Variants in RBFOX3 observed in about 807,000 individuals in gnomAD.
The protein encoded by RBFOX3 is RNA binding fox-1 homolog 3, also known as RNA binding protein fox-1 homolog 3.
Under a neutral mutation model 48.7 loss-of-function variants are expected in RBFOX3, and 17 were observed. That is an observed-to-expected ratio of 0.35 (90% CI 0.24 to 0.52). RBFOX3 has a LOEUF of 0.52. Among genes scored for constraint, RBFOX3 ranks in the 20% least tolerant of loss-of-function variants. The probability of loss-of-function intolerance (pLI) is 0.94; values close to 1 mark genes in which losing one functional copy is unlikely to be tolerated. For missense variants in RBFOX3, 382 were observed against 497.5 expected, an observed-to-expected ratio of 0.77 and a Z score of 2.21; for synonymous variants, 212 against 209.5, an observed-to-expected ratio of 1.01 and a Z score of -0.10.
intron 2 of RBFOX3, among the ~76,000 whole-genome samples, chr17:79,424,460 C>T (rs117463940): frequency 0.022 from 3,393 of 152,282 alleles, 45 homozygotes; most frequent in Non-Finnish European, 0.032. Flanking sequence ...CGCAACTGAG[C>T]TCTCGACTCT....
upstream of RBFOX3, among the ~76,000 whole-genome samples, chr17:79,614,904 A>G (rs1055395979): frequency 2.0e-5 from 3 of 151,556 alleles, no homozygotes; most frequent in Non-Finnish European, 2.9e-5. Flanking sequence ...TCTAACCCCG[A>G]CCCCCATAGG....
the RBFOX3 span, among the ~76,000 whole-genome samples, chr17:79,656,648 A>G: frequency 3.6e-4 from 53 of 145,274 alleles, no homozygotes; most frequent in African/African-American, 1.4e-3. Flanking sequence ...GGAAGAGAAG[A>G]AAGAAAGGAA....
chr17:79,168,570 C>A (rs1476332879), intron 4 of RBFOX3, among the ~76,000 whole-genome samples: 6 of 152,192 alleles, frequency 3.9e-5, no homozygotes, highest in Admixed American at 2.0e-4. Flanking sequence ...CCCACTGGTC[C>A]ATGAGGAAAC....
chr17:79,632,067 G>A, the RBFOX3 span, among the ~76,000 whole-genome samples: 2,718 of 152,296 alleles, frequency 0.018, 72 homozygotes, highest in African/African-American at 0.052. Flanking sequence ...CGAGCCCTCC[G>A]CGCTGCAGGA....
chr17:79,293,597 C>T (rs955168186), intron 3 of RBFOX3, among the ~76,000 whole-genome samples: 1 of 151,998 alleles, frequency 6.6e-6, no homozygotes, highest in African/African-American at 2.4e-5. Flanking sequence ...GGATTACAGA[C>T]TTGCACCACC....
chr17:79,333,687 C>T (rs2080756083), intron 2 of RBFOX3, among the ~76,000 whole-genome samples: 1 of 152,152 alleles, frequency 6.6e-6, no homozygotes, highest in Non-Finnish European at 1.5e-5. Flanking sequence ...TGATGGCAAA[C>T]AGCTTCTTCC....
rs1301298854 is a variant in RBFOX3 at position 79,391,545 on chromosome 17, C to T, written c.-174-83721G>A. Among the ~76,000 whole-genome samples, 1 of 152,198 alleles carries T rather than the reference C, an allele frequency of 6.6e-6. No individual in the cohort carries two copies. The highest frequency in any genetic ancestry group is 1.9e-4 in the East Asian group (1 of 5,182). On this transcript the variant is annotated intron_variant, in intron 2 of 14. Coordinates refer to ENST00000693108, the MANE Select transcript of RBFOX3 (RefSeq NM_001350451.2). This position sits in a 1 kb window ranked among gnomAD's most constrained non-coding sequence, Gnocchi z 5.0. ...GCAAATGCCACCGATTTTAATCTCA[C>T]CCGAAACCAACCTCACAGGTGCTGA... is the stretch of plus-strand genomic sequence containing the variant.
chr17:79,564,322 G>A (rs962815797), intron 1 of RBFOX3, among the ~76,000 whole-genome samples: 9 of 152,162 alleles, frequency 5.9e-5, no homozygotes, highest in East Asian at 1.9e-4. Context: ...GGCATTAATC[G>A]TGCTGGGAAG....
intron 2 of RBFOX3, among the ~76,000 whole-genome samples, chr17:79,476,897 A>G (rs2077856307): frequency 6.6e-6 from 1 of 152,014 alleles, no homozygotes; most frequent in African/African-American, 2.4e-5. Context: ...GGAGAGAAAA[A>G]AGAAGAAAGA....
At position 79,476,929 on chromosome 17, in the gene RBFOX3, G is replaced by A. The variant is rs934505822; in HGVS notation, c.-175+5525C>T. 9.2e-5 allele frequency among the ~76,000 whole-genome samples: 14 copies of A among 151,918 alleles called. No homozygotes were observed. The South Asian group carries it at 2.5e-3, about 27-fold the overall frequency. ...AAGAGGAGAAAGAGGAAAAGGAGACGGAAGAGGAAGAAGAAGAAAAGGAGG... is the reference window on the plus strand; with the variant it reads ...AAGAGGAGAAAGAGGAAAAGGAGACAGAAGAGGAAGAAGAAGAAAAGGAGG... On this transcript the variant is annotated intron_variant, in intron 2 of 14. Coordinates refer to ENST00000693108, the MANE Select transcript of RBFOX3 (RefSeq NM_001350451.2).
intron 1 of RBFOX3, among the ~76,000 whole-genome samples, chr17:79,594,132 A>C (rs2145168070): frequency 6.6e-6 from 1 of 152,258 alleles, no homozygotes; most frequent in East Asian, 1.9e-4. Flanking sequence ...ACTCTGTGCC[A>C]GGGAGTGGAG....
chr17:79,441,654 T>C (rs1728661961), intron 2 of RBFOX3, among the ~76,000 whole-genome samples: 1 of 150,476 alleles, frequency 6.6e-6, no homozygotes, highest in Non-Finnish European at 1.5e-5. Context: ...TGGCAGAGAG[T>C]CCATTTCTGT....
chr17:79,158,051 G>A (rs1399938603), intron 4 of RBFOX3, among the ~76,000 whole-genome samples: 1 of 152,170 alleles, frequency 6.6e-6, no homozygotes, highest in African/African-American at 2.4e-5. Context: ...ACATTACACT[G>A]GGGTCATTAG....
chr17:79,107,005 C>T (rs1010288606), intron 5 of RBFOX3, among the ~76,000 whole-genome samples: 1 of 152,214 alleles, frequency 6.6e-6, no homozygotes, highest in African/African-American at 2.4e-5. Context: ...ACCTCTAGGC[C>T]TTCGCCCAAA....
At chr17:79,370,442 C>G (rs562324340) in intron 2 of RBFOX3, among the ~76,000 whole-genome samples, 4 of 152,052 alleles carry the variant, frequency 2.6e-5, no homozygotes, top group Non-Finnish European at 5.9e-5. Context: ...ATGCACACAC[C>G]CTGATGTGCA....
rs1376618042 is a variant in RBFOX3, at chr17:79,204,805, G to T, written c.-34+30961C>A. 6.6e-6 allele frequency among the ~76,000 whole-genome samples: 1 copy of T among 152,172 alleles called. No individual in the cohort carries two copies. The highest frequency in any genetic ancestry group is 1.5e-5 in the Non-Finnish European group (1 of 68,034). ...CTAGAATAGCAGGGGCCAGATAGTT[G>T]CATTTAACCATCAGAGGCAAGTTGG... On this transcript the variant is annotated intron_variant, in intron 4 of 14. Coordinates refer to ENST00000693108, the MANE Select transcript of RBFOX3 (RefSeq NM_001350451.2). The surrounding 1 kb of genome is among the most constrained non-coding windows in gnomAD (Gnocchi z 4.5).
chr17:79,248,326 G>A (rs542226404), intron 3 of RBFOX3, among the ~76,000 whole-genome samples: 4 of 151,996 alleles, frequency 2.6e-5, no homozygotes, highest in South Asian at 2.1e-4. Context: ...CTCCACTCCC[G>A]GGTTCACGCC....
At chr17:79,588,280 T>C (rs1409901142) in intron 1 of RBFOX3, among the ~76,000 whole-genome samples, 4 of 152,150 alleles carry the variant, frequency 2.6e-5, no homozygotes, top group Admixed American at 6.5e-5. Flanking sequence ...AGACTGGGCA[T>C]TTTCTCATGT....
intron 4 of RBFOX3, among the ~76,000 whole-genome samples, chr17:79,170,132 A>AG (rs1472451505): frequency 7.1e-6 from 1 of 140,896 alleles, no homozygotes; most frequent in African/African-American, 2.9e-5. Flanking sequence ...GGAAGGAAGG[A>AG]GGAAGGAGGG....
Sources: gnomAD v4.1 joint callset for allele counts (sites outside exome capture counted in the v4.1 genomes callset) on GRCh38, gnomAD v4.1.1 for gene constraint, Gnocchi (gnomAD v3.1) non-coding constraint, MANE v1.5 for transcripts, NCBI Gene and HGNC (gene_info 2026-07-23, HGNC 2026-07-21) for gene names.